Variants in CDH4 observed in about 807,000 individuals in gnomAD.
CDH4 encodes the protein cadherin 4, also known as cadherin-4.
A neutral mutation model predicts 86.0 loss-of-function variants in CDH4; 33 were observed. The ratio of observed to expected loss-of-function variants is 0.38; its 90% CI spans 0.29 to 0.51. CDH4 has a LOEUF of 0.51. CDH4 is among the 20% of genes least tolerant of loss of function. The pLI, the probability that CDH4 is intolerant of heterozygous loss-of-function variation, is 0.86. For synonymous variants in CDH4, 555 were observed against 549.4 expected, an observed-to-expected ratio of 1.01 and a Z score of -0.14; for missense variants, 1,114 against 1,307.4, an observed-to-expected ratio of 0.85 and a Z score of 2.28.
rs974895210 is a variant in CDH4, at chr20:61,773,033, G to C, written c.427G>C (p.Asp143His). 1 of 1,613,310 alleles carries C rather than the reference G, an allele frequency of 6.2e-7. No homozygotes were observed. The highest frequency in any genetic ancestry group is 1.3e-5 in the African/African-American group (1 of 75,032). Residue 143 changes from aspartate to histidine, a missense_variant, in exon 4 of 16, where the codon GAC (aspartate) becomes CAC (histidine). Asp to His is a moderately conservative substitution (Grantham distance 81). Coordinates refer to ENST00000614565, the MANE Select transcript of CDH4 (RefSeq NM_001794.5). ...GAAAGGAAAGAAGGTCGTGGCTCTGGACCCCTCTCCGCCTCCGAAGGACAC... is the reference window on the plus strand; with the variant it reads ...GAAAGGAAAGAAGGTCGTGGCTCTGCACCCCTCTCCGCCTCCGAAGGACAC... ...PQKGKKVVAL[D>H]PSPPPKDTLL... is the part of the protein sequence containing the mutation.
At chr20:61,612,176 G>A (rs1195187494) in intron 2 of CDH4, among the ~76,000 whole-genome samples, 1 of 152,078 alleles carries the variant, frequency 6.6e-6, no homozygotes, top group African/African-American at 2.4e-5. Context: ...GATGAAATCA[G>A]TGTAATTGGG....
chr20:61,726,516 G>A (rs868442427), intron 2 of CDH4, among the ~76,000 whole-genome samples: 3 of 152,110 alleles, frequency 2.0e-5, no homozygotes, highest in African/African-American at 4.8e-5. Flanking sequence ...TCTGTGTCTC[G>A]AGTTTGGTAC....
chr20:61,282,068 G>A (rs2084261843), intron 2 of CDH4, among the ~76,000 whole-genome samples: 1 of 152,226 alleles, frequency 6.6e-6, no homozygotes, highest in Non-Finnish European at 1.5e-5. Context: ...CTCCTAAAAA[G>A]AAATTCACGG....
chr20:61,796,966 G>A (rs1031068768), intron 4 of CDH4, among the ~76,000 whole-genome samples: 5 of 152,022 alleles, frequency 3.3e-5, no homozygotes, highest in African/African-American at 9.7e-5. Context: ...GCTTGGGAGC[G>A]CCATACAGCG....
chr20:61,866,403 A>AC (rs1983551675), intron 6 of CDH4, among the ~76,000 whole-genome samples: 1 of 152,090 alleles, frequency 6.6e-6, no homozygotes, highest in South Asian at 2.1e-4. Context: ...GCACAGCTAA[A>AC]CCGCCTCTGA....
chr20:61,687,754 A>C (rs1419100572), intron 2 of CDH4, among the ~76,000 whole-genome samples: 2 of 152,202 alleles, frequency 1.3e-5, no homozygotes, highest in Non-Finnish European at 2.9e-5. Context: ...GCACCACCTG[A>C]TGAAGCAAAA....
intron 2 of CDH4, chr20:61,499,599 G>C: frequency 9.2e-7 from 1 of 1,081,348 alleles, no homozygotes; most frequent in South Asian, 1.4e-5. Context: ...ACAGGGAGGA[G>C]GGCTCCAAGC....
intron 4 of CDH4, among the ~76,000 whole-genome samples, chr20:61,819,017 G>A (rs1189650736): frequency 1.3e-5 from 2 of 152,236 alleles, no homozygotes; most frequent in Non-Finnish European, 2.9e-5. Context: ...ACTTTCTGAG[G>A]TGGGCAGCAC....
intron 4 of CDH4, among the ~76,000 whole-genome samples, chr20:61,790,868 C>T (rs900220201): frequency 2.6e-5 from 4 of 151,432 alleles, no homozygotes; most frequent in Non-Finnish European, 4.4e-5. Flanking sequence ...TTCATCCATC[C>T]GTATATCCAT....
At chr20:61,468,207 A>G (rs746567088) in intron 2 of CDH4, among the ~76,000 whole-genome samples, 9 of 152,116 alleles carry the variant, frequency 5.9e-5, no homozygotes, top group Non-Finnish European at 8.8e-5. Context: ...GTATGACCCA[A>G]ACCTCCACCC....
At chr20:61,934,984 C>T (rs1231397131) in intron 15 of CDH4, among the ~76,000 whole-genome samples, 1 of 152,264 alleles carries the variant, frequency 6.6e-6, no homozygotes, top group Non-Finnish European at 1.5e-5. Flanking sequence ...TCTTCGTTCC[C>T]GTCTTCCATC....
At chr20:61,932,888 C>A in intron 13 of CDH4, 97 bp from the exon 14 acceptor site, 6 of 1,487,708 alleles carry the variant, frequency 4.0e-6, no homozygotes, top group Non-Finnish European at 4.5e-6. Flanking sequence ...TTGTGTGCCA[C>A]CTGCATGTAC....
rs1004013265 is a variant in CDH4 at position 61,839,642 on chromosome 20, G to C, written c.577-5026G>C. On this transcript the variant is annotated intron_variant, in intron 4 of 15. Transcript: ENST00000614565. ...GTGTACTGTGTGCATGTTTGTGTTT[G>C]TGTCGTGTACATGTTTGTGTATGTG... Among the ~76,000 whole-genome samples, 3 of 151,902 alleles carry C rather than the reference G, an allele frequency of 2.0e-5. No homozygotes were observed. The South Asian group carries it at 6.2e-4, about 32-fold the overall frequency.
chr20:61,928,200 G>T lies in CDH4; in HGVS notation c.1782G>T (p.Pro594=). 1 of 1,600,688 alleles carries T rather than the reference G, an allele frequency of 6.2e-7. No individual in the cohort carries two copies. ...GTGTCTGTTCCACAGGGATACCCCC[G>T]GCCAGCGGCACCGGGACCCTCCAGA... ...TFLAADNGIP[P]ASGTGTLQIY... is the part of the protein sequence containing the mutation. Residue 594 remains proline (P), a synonymous_variant, in exon 12 of 16, where the codon CCG becomes CCT. Transcript: ENST00000614565.
chr20:61,874,843 C>T (rs1983949756), intron 7 of CDH4, among the ~76,000 whole-genome samples: 1 of 152,240 alleles, frequency 6.6e-6, no homozygotes, highest in East Asian at 1.9e-4. Context: ...AGCCACCTCG[C>T]TGGGCTCACA....
rs986499965 is a variant in CDH4, at chr20:61,566,730, G to A, written c.170-176833G>A. 5.9e-5 allele frequency among the ~76,000 whole-genome samples: 9 copies of A among 152,222 alleles called. No individual in the cohort carries two copies. In the South Asian group the frequency reaches 1.0e-3, roughly 18 times the overall value. Reference sequence around the variant, plus strand: ...TTTACCAGTCATTGCTTGAGAGGCCGGAAAGATTGGAAGCCCAAAGAACTG... The same window carrying A: ...TTTACCAGTCATTGCTTGAGAGGCCAGAAAGATTGGAAGCCCAAAGAACTG... On this transcript the variant is annotated intron_variant, in intron 2 of 15. Coordinates refer to ENST00000614565, the MANE Select transcript of CDH4 (RefSeq NM_001794.5).
At chr20:61,522,017 G>A (rs568466116) in intron 2 of CDH4, among the ~76,000 whole-genome samples, 25 of 152,328 alleles carry the variant, frequency 1.6e-4, no homozygotes, top group Admixed American at 1.4e-3. Context: ...CCAAGAGAGC[G>A]CAGAATCGTT....
At chr20:61,312,415 T>C (rs1423501504) in intron 2 of CDH4, among the ~76,000 whole-genome samples, 5 of 152,052 alleles carry the variant, frequency 3.3e-5, no homozygotes, top group Non-Finnish European at 5.9e-5. Flanking sequence ...CATGTGTGTG[T>C]GCATGTGTGA....
rs370987438 is a variant in CDH4, at chr20:61,824,111, T to C, written c.577-20557T>C. ...ACAGGCTCCCTGGAAAACCTCCTCA[T>C]TGTCCACCACAGCTTGAGGGTCATG... On this transcript the variant is annotated intron_variant, in intron 4 of 15. Transcript: ENST00000614565. 1.1e-4 allele frequency among the ~76,000 whole-genome samples: 16 copies of C among 152,310 alleles called. No individual in the cohort carries two copies. In the South Asian group the frequency reaches 3.1e-3, roughly 30 times the overall value.
Sources: allele counts gnomAD v4.1 joint callset (sites outside exome capture counted in the v4.1 genomes callset), GRCh38; gene constraint gnomAD v4.1.1; transcripts MANE v1.5; gene names NCBI Gene and HGNC (gene_info 2026-07-23, HGNC 2026-07-21).